The following ZNF131 variants were observed in gnomAD, a reference collection of about 807,000 sequenced individuals.
The protein encoded by ZNF131 is zinc finger and BTB domain containing 35, also known as zinc finger protein 131.
In ZNF131, 7 loss-of-function variants were observed where a neutral mutation model predicts 60.0. That is an observed-to-expected ratio of 0.12 (90% CI 0.07 to 0.22). The LOEUF is 0.22. Ranked by LOEUF, ZNF131 falls within the 10% of genes least tolerant of loss-of-function variation. The pLI, the probability that ZNF131 is intolerant of heterozygous loss-of-function variation, is 1.00. For synonymous variants in ZNF131, 257 were observed against 253.2 expected, an observed-to-expected ratio of 1.01 and a Z score of -0.14; for missense variants, 493 against 740.9, an observed-to-expected ratio of 0.67 and a Z score of 3.88.
At chr5:43,124,772 A>T (rs1213952099) in intron 3 of ZNF131, 1 of 152,206 alleles carries the variant, frequency 6.6e-6, no homozygotes, top group African/African-American at 2.4e-5. Context: ...TTGCGATAAC[A>T]TGCAGAGTGC....
intron 3 of ZNF131, among the ~76,000 whole-genome samples, chr5:43,129,137 T>C (rs1359672718): frequency 1.4e-5 from 2 of 143,088 alleles, no homozygotes; most frequent in Non-Finnish European, 3.1e-5. Context: ...GGTTTCACCA[T>C]GTTGGCCAGG....
chr5:43,130,807 C>G (rs1485479460), intron 3 of ZNF131, among the ~76,000 whole-genome samples: 1 of 151,972 alleles, frequency 6.6e-6, no homozygotes. Flanking sequence ...CTCAGATGAT[C>G]CACCTGCCTC....
At chr5:43,131,458 C>T (rs1398476510) in intron 3 of ZNF131, among the ~76,000 whole-genome samples, 2 of 152,210 alleles carry the variant, frequency 1.3e-5, no homozygotes, top group South Asian at 4.1e-4. Context: ...TAGACGTGAG[C>T]CACCGCGCCT....
intron 4 of ZNF131, 31 bp from the exon 5 acceptor site, chr5:43,161,218 A>AT (rs1561435983): frequency 3.3e-6 from 5 of 1,538,004 alleles, no homozygotes; most frequent in East Asian, 2.3e-5. Flanking sequence ...CTTCTTATAG[A>AT]TTTTTTAAAC....
In ZNF131 at chr5:43,150,411, C is replaced by G. The variant is rs144580456; in HGVS notation, c.372-10838C>G. 5.8e-4 allele frequency among the ~76,000 whole-genome samples: 88 copies of G among 152,236 alleles called. 1 individual carries two copies. The East Asian group carries it at 0.014, about 25-fold the overall frequency. ...ATGGAGAGTTGTCTTGTTCCATATC[C>G]TTGTTTCTGTATTATCCTGGCTGGT... On this transcript the variant is annotated intron_variant, in intron 4 of 6. Coordinates refer to ENST00000682664, the MANE Select transcript of ZNF131 (RefSeq NM_001330707.2).
At chr5:43,123,477 T>C in intron 3 of ZNF131, 167 bp downstream of exon 3, 2 of 490,228 alleles carry the variant, frequency 4.1e-6, no homozygotes. Flanking sequence ...TAAAGGTAGA[T>C]AAATTGTTCT....
At chr5:43,169,274 CTG>C (rs1750697561) in intron 5 of ZNF131, among the ~76,000 whole-genome samples, 2 of 152,308 alleles carry the variant, frequency 1.3e-5, no homozygotes, top group East Asian at 1.9e-4. Context: ...GCATTGAAAA[CTG>C]TACTGTCCAC....
At chr5:43,153,383 G>C (rs1748558721) in intron 4 of ZNF131, among the ~76,000 whole-genome samples, 1 of 148,994 alleles carries the variant, frequency 6.7e-6, no homozygotes. Context: ...CCAGCACTTT[G>C]GGAGGCTGAG....
intron 4 of ZNF131, among the ~76,000 whole-genome samples, chr5:43,155,618 A>G (rs1561427874): frequency 6.6e-6 from 1 of 152,180 alleles, no homozygotes; most frequent in Non-Finnish European, 1.5e-5. Flanking sequence ...CCCCACTTAG[A>G]GGTTGCTGTT....
chr5:43,122,245 CCTT>C, intron 2 of ZNF131, 68 bp downstream of exon 2: 3 of 1,388,348 alleles, frequency 2.2e-6, no homozygotes, highest in Admixed American at 2.5e-5. Context: ...CGGACACCCG[CCTT>C]TTTTTTTTTT....
intron 5 of ZNF131, among the ~76,000 whole-genome samples, chr5:43,168,196 A>G (rs1750591634): frequency 6.6e-6 from 1 of 152,220 alleles, no homozygotes; most frequent in African/African-American, 2.4e-5. Context: ...CTACCTCTCA[A>G]TACTACCATA....
At chr5:43,161,118 G>C (rs944996287) in intron 4 of ZNF131, 131 bp from the exon 5 acceptor site, 2 of 761,878 alleles carry the variant, frequency 2.6e-6, no homozygotes, top group Non-Finnish European at 4.2e-6. Flanking sequence ...CTTGAAATCA[G>C]GTAGGATAAG....
rs138592259 is a variant in ZNF131, at chr5:43,165,295, T to C, written c.1054+3364T>C. On this transcript the variant is annotated intron_variant, in intron 5 of 6. Coordinates refer to ENST00000682664, the MANE Select transcript of ZNF131 (RefSeq NM_001330707.2). ...TCCAAGATCAATCTGCTGGTTTCTT[T>C]TGAGACCTCTCTCTTTGGCTTGCAG... 6.7e-5 allele frequency among the ~76,000 whole-genome samples: 10 copies of C among 149,392 alleles called. No individual in the cohort carries two copies. In the East Asian group the frequency reaches 1.2e-3, roughly 18 times the overall value.
intron 3 of ZNF131, among the ~76,000 whole-genome samples, chr5:43,138,914 A>G (rs555387315): frequency 2.6e-5 from 4 of 152,318 alleles, no homozygotes; most frequent in South Asian, 4.1e-4. Flanking sequence ...GCCAATTCAT[A>G]TATTTGAGTG....
intron 4 of ZNF131, among the ~76,000 whole-genome samples, chr5:43,149,700 G>T (rs1748062648): frequency 6.6e-6 from 1 of 152,168 alleles, no homozygotes; most frequent in Admixed American, 6.5e-5. Flanking sequence ...GTGAATACTT[G>T]ATATGGTCAG....
intron 3 of ZNF131, among the ~76,000 whole-genome samples, chr5:43,136,666 T>TTTTC (rs1746156540): frequency 6.8e-6 from 1 of 146,266 alleles, no homozygotes; most frequent in Non-Finnish European, 1.5e-5. Context: ...TTTTTTTTTT[T>TTTTC]AGTAGAGACG....
chr5:43,129,470 A>G (rs1011629976), intron 3 of ZNF131, among the ~76,000 whole-genome samples: 1 of 152,190 alleles, frequency 6.6e-6, no homozygotes, highest in East Asian at 1.9e-4. Context: ...CGGAGGCCAG[A>G]CATACTTCTC....
At chr5:43,153,463 T>TAAAAAAAA (rs35596507) in intron 4 of ZNF131, among the ~76,000 whole-genome samples, 15 of 61,164 alleles carry the variant, frequency 2.5e-4, no homozygotes, top group African/African-American at 9.0e-4. Context: ...CCATCTCTAC[T>TAAAAAAAA]AAAAAAAAAA....
At chr5:43,121,803 A>C in intron 1 of ZNF131, 3 of 311,154 alleles carry the variant, frequency 9.6e-6, no homozygotes, top group East Asian at 6.4e-5. Flanking sequence ...ACCCCGCTCT[A>C]GCTCGCGTCT....
Sources: gnomAD v4.1 joint callset for allele counts (sites outside exome capture counted in the v4.1 genomes callset) on GRCh38, gnomAD v4.1.1 for gene constraint, MANE v1.5 for transcripts, NCBI Gene and HGNC (gene_info 2026-07-23, HGNC 2026-07-21) for gene names.